The following LRRC7 variants were observed in gnomAD, a reference collection of about 807,000 sequenced individuals.
The protein encoded by LRRC7 is leucine rich repeat containing 7.
Under a neutral mutation model 175.7 loss-of-function variants are expected in LRRC7, and 23 were observed. The ratio of observed to expected loss-of-function variants is 0.13; its 90% CI spans 0.09 to 0.19. The LOEUF (loss-of-function observed/expected upper bound fraction) is 0.19, where lower values mean the gene tolerates loss of function less well. Ranked by LOEUF, LRRC7 falls within the 10% of genes least tolerant of loss-of-function variation. The pLI, the probability that LRRC7 is intolerant of heterozygous loss-of-function variation, is 1.00. For missense variants in LRRC7, 1,354 were observed against 1,904.7 expected, an observed-to-expected ratio of 0.71 and a Z score of 5.38; for synonymous variants, 685 against 680.9, an observed-to-expected ratio of 1.01 and a Z score of -0.09.
chr1:69,954,089 G>A (rs921922023), intron 8 of LRRC7, among the ~76,000 whole-genome samples: 8 of 151,966 alleles, frequency 5.3e-5, no homozygotes, highest in Admixed American at 3.3e-4. Flanking sequence ...ATTGGTCTAC[G>A]TTAATGGGGT....
At chr1:70,018,608 TTC>T (rs1218906054) in intron 14 of LRRC7, 109 bp from the exon 15 acceptor site, 2 of 544,172 alleles carry the variant, frequency 3.7e-6, no homozygotes, top group Non-Finnish European at 6.3e-6. Flanking sequence ...CTTATTTTAT[TTC>T]TTTTTTCACT....
At chr1:69,976,888 A>C (rs978712002) in intron 8 of LRRC7, among the ~76,000 whole-genome samples, 20 of 152,134 alleles carry the variant, frequency 1.3e-4, no homozygotes, top group Non-Finnish European at 4.4e-5. Flanking sequence ...TTGTATCTCC[A>C]GCTAATACTT....
chr1:70,057,274 T>C (rs1661228753), intron 23 of LRRC7, among the ~76,000 whole-genome samples: 1 of 152,328 alleles, frequency 6.6e-6, no homozygotes, highest in Non-Finnish European at 1.5e-5. Context: ...ATTAGTTGAA[T>C]AGTCAAGTTA....
chr1:70,086,003 GT>G (rs1215510769), intron 24 of LRRC7, among the ~76,000 whole-genome samples: 2 of 152,086 alleles, frequency 1.3e-5, no homozygotes, highest in Non-Finnish European at 2.9e-5. Context: ...GATAATTGAG[GT>G]ACTCTTTGAA....
At chr1:69,949,566 TAG>T (rs10537023) in intron 8 of LRRC7, among the ~76,000 whole-genome samples, 61,945 of 151,102 alleles carry the variant, frequency 0.41, 13,423 homozygotes, top group East Asian at 0.59. Flanking sequence ...CAAAGAAAAA[TAG>T]AGAGAGAGAG....
chr1:69,718,429 G>C (rs907722079), intron 2 of LRRC7, among the ~76,000 whole-genome samples: 2 of 151,748 alleles, frequency 1.3e-5, no homozygotes, highest in African/African-American at 4.8e-5. Flanking sequence ...CTTCAATAGA[G>C]GATATTAAAA....
intron 3 of LRRC7, among the ~76,000 whole-genome samples, chr1:69,787,549 C>G (rs561183362): frequency 6.6e-6 from 1 of 152,336 alleles, no homozygotes; most frequent in Non-Finnish European, 1.5e-5. Flanking sequence ...CAATTTTGGA[C>G]TTCTGTGTAC....
intron 7 of LRRC7, among the ~76,000 whole-genome samples, chr1:69,857,328 C>G (rs1255336646): frequency 1.3e-5 from 2 of 152,192 alleles, no homozygotes; most frequent in African/African-American, 4.8e-5. Flanking sequence ...CAAATTATCC[C>G]TGTTTGCAGA....
intron 7 of LRRC7, chr1:69,919,877 G>A (rs969887397): frequency 2.6e-5 from 17 of 656,520 alleles, no homozygotes; most frequent in African/African-American, 5.4e-5. Context: ...GGGTTCCCCC[G>A]CTGCCTGCTG....
At chr1:69,988,249 G>C (rs1654114822) in intron 10 of LRRC7, among the ~76,000 whole-genome samples, 1 of 152,096 alleles carries the variant, frequency 6.6e-6, no homozygotes, top group Non-Finnish European at 1.5e-5. Context: ...TCTACGTGCT[G>C]TTTGAACACT....
chr1:69,771,050 T>C (rs982679893), intron 3 of LRRC7, among the ~76,000 whole-genome samples: 3 of 152,192 alleles, frequency 2.0e-5, no homozygotes, highest in African/African-American at 4.8e-5. Flanking sequence ...TATATAAAAC[T>C]ACATCCAGGA....
intron 2 of LRRC7, among the ~76,000 whole-genome samples, chr1:69,732,853 A>G (rs1667725018): frequency 6.6e-6 from 1 of 152,056 alleles, no homozygotes; most frequent in African/African-American, 2.4e-5. Context: ...TTAACACCAT[A>G]GATATAAAGC....
intron 2 of LRRC7, among the ~76,000 whole-genome samples, chr1:69,686,792 T>C (rs1661205074): frequency 6.6e-6 from 1 of 152,038 alleles, no homozygotes; most frequent in South Asian, 2.1e-4. Context: ...GTAAATACCA[T>C]GGTTAAAAGA....
chr1:69,938,982 C>T (rs931547524), intron 8 of LRRC7, among the ~76,000 whole-genome samples: 7 of 137,550 alleles, frequency 5.1e-5, no homozygotes, highest in African/African-American at 1.9e-4. Flanking sequence ...TGTAAAGCCA[C>T]TAAGGCTGTA....
chr1:69,609,838 G>T (rs1648412621), intron 1 of LRRC7, among the ~76,000 whole-genome samples: 1 of 151,946 alleles, frequency 6.6e-6, no homozygotes, highest in African/African-American at 2.4e-5. Context: ...ATAGAATAAT[G>T]CCTAGAAATG....
At chr1:69,873,163 A>G (rs1685723665) in intron 7 of LRRC7, among the ~76,000 whole-genome samples, 1 of 152,156 alleles carries the variant, frequency 6.6e-6, no homozygotes, top group South Asian at 2.1e-4. Flanking sequence ...ATGGCTTATC[A>G]CCTGATGATC....
intron 9 of LRRC7, among the ~76,000 whole-genome samples, chr1:69,980,801 A>G (rs1365608828): frequency 6.6e-6 from 1 of 152,188 alleles, no homozygotes; most frequent in Non-Finnish European, 1.5e-5. Context: ...TTTTTACAAA[A>G]TCAACCTTAT....
In LRRC7 at chr1:70,011,857, T is replaced by C; in HGVS notation, c.1065T>C (p.Thr355=). Residue 355 remains threonine, a synonymous_variant, in exon 12 of 27, where the codon ACT becomes ACC. Transcript: ENST00000651989. ...SCNELESLPS[T]IGYLHSLRTL... is the part of the protein sequence containing the mutation. ...ATGAACTGGAGTCACTACCTTCTAC[T>C]ATTGGCTACCTTCATAGTCTTCGGA... is the stretch of plus-strand genomic sequence containing the variant. 1 of 1,591,410 alleles carries C rather than the reference T, an allele frequency of 6.3e-7. No homozygotes were observed. Among genetic ancestry groups the C allele is most frequent in the Non-Finnish European group, 8.6e-7 (1 of 1,159,884 alleles).
At chr1:69,767,940 G>GA (rs906866150) in intron 3 of LRRC7, among the ~76,000 whole-genome samples, 33 of 149,860 alleles carry the variant, frequency 2.2e-4, no homozygotes, top group South Asian at 1.3e-3. Flanking sequence ...CTAGGTGAGG[G>GA]AAAAAAAAAC....
Sources: gnomAD v4.1 joint callset for allele counts (sites outside exome capture counted in the v4.1 genomes callset) on GRCh38, gnomAD v4.1.1 for gene constraint, MANE v1.5 for transcripts, NCBI Gene and HGNC (gene_info 2026-07-23, HGNC 2026-07-21) for gene names.